Variants in HTATIP2 observed in about 807,000 individuals in gnomAD.
The protein encoded by HTATIP2 is protein HTATIP2.
A neutral mutation model predicts 24.7 loss-of-function variants in HTATIP2; 26 were observed. The observed-to-expected ratio is 1.05, with a 90% CI of 0.77 to 1.46. The LOEUF is 1.46. HTATIP2 is among the 40% of genes most tolerant of loss of function. The probability of loss-of-function intolerance (pLI) is 0.00; values close to 1 mark genes in which losing one functional copy is unlikely to be tolerated. For missense variants in HTATIP2, 284 were observed against 289.6 expected (o/e 0.98, Z 0.14); for synonymous variants, 99 against 113.2 (o/e 0.87, Z 0.79).
chr11:20,370,491 T>A (rs555779552), intron 2 of HTATIP2, among the ~76,000 whole-genome samples: 11 of 152,194 alleles, frequency 7.2e-5, no homozygotes, highest in Non-Finnish European at 1.6e-4. Flanking sequence ...GTCATTAATG[T>A]GATTAGTGTG....
At chr11:20,368,330 G>A (rs1411741263) in intron 2 of HTATIP2, among the ~76,000 whole-genome samples, 2 of 152,178 alleles carry the variant, frequency 1.3e-5, no homozygotes, top group Non-Finnish European at 2.9e-5. Flanking sequence ...GTTAGATTCA[G>A]ATGTATTTCT....
rs560342815 is a variant in HTATIP2 at position 20,375,746 on chromosome 11, A to C, written c.304-834A>C. The stretch of plus-strand genomic sequence containing the variant: ...TTTATGGTGGTCTCAAGAGACTGTT[A>C]CTCCTTGGAATTCCCTTTTCTGGGT... On this transcript the variant is annotated intron_variant, in intron 2 of 4. Transcript: ENST00000451739. Among the ~76,000 whole-genome samples the C allele has an allele frequency of 2.6e-4, 40 of 151,968 alleles. 1 individual carries two copies. Among genetic ancestry groups the C allele is most frequent in the African/African-American group, 9.7e-4 (40 of 41,406 alleles).
Position 20,383,253 on chromosome 11 carries a change from A to G in HTATIP2, c.*48A>G. On this transcript the variant is annotated 3_prime_UTR_variant, in exon 5 of 5. Coordinates refer to ENST00000451739, the MANE Select transcript of HTATIP2 (RefSeq NM_001098522.2). Reference sequence around the variant, plus strand: ...ATTGTCAACCTTAACACCCATCACCAAATCGGTAATTTCAGGGTCTAAAAA... The same window carrying G: ...ATTGTCAACCTTAACACCCATCACCGAATCGGTAATTTCAGGGTCTAAAAA... 1 of 1,414,546 alleles carries G rather than the reference A, an allele frequency of 7.1e-7. No homozygotes were observed. The highest frequency in any genetic ancestry group is 9.8e-7 in the Non-Finnish European group (1 of 1,018,502). 87.6% of individuals were successfully genotyped at this position (1,414,546 alleles called of 1,614,324 possible).
chr11:20,376,314 G>T, intron 2 of HTATIP2: 1 of 450,406 alleles, frequency 2.2e-6, no homozygotes, highest in Non-Finnish European at 3.9e-6. Context: ...GTTCTTTGCA[G>T]ATTTGTTTGG....
At chr11:20,377,829 T>C (rs1035804524) in intron 3 of HTATIP2, among the ~76,000 whole-genome samples, 3 of 152,214 alleles carry the variant, frequency 2.0e-5, no homozygotes, top group African/African-American at 4.8e-5. Context: ...ATACGTCCAG[T>C]CTTTCTTTTG....
chr11:20,371,307 A>G (rs1057233202), intron 2 of HTATIP2, among the ~76,000 whole-genome samples: 4 of 152,216 alleles, frequency 2.6e-5, no homozygotes, highest in Non-Finnish European at 5.9e-5. Flanking sequence ...CCAAGTAGCT[A>G]TGGAGCCTGG....
At chr11:20,368,184 A>G (rs974521449) in intron 2 of HTATIP2, among the ~76,000 whole-genome samples, 1 of 152,028 alleles carries the variant, frequency 6.6e-6, no homozygotes, top group African/African-American at 2.4e-5. Flanking sequence ...GGAAAACAAG[A>G]AAAAAGAAAA....
intron 3 of HTATIP2, among the ~76,000 whole-genome samples, chr11:20,380,671 C>CAAAAA (rs35392320): frequency 1.1e-3 from 87 of 81,688 alleles, no homozygotes; most frequent in African/African-American, 1.6e-3. Context: ...GACTCCATCT[C>CAAAAA]AAAAAAAAAA....
chr11:20,377,177 G>T (rs1848459909), intron 3 of HTATIP2, among the ~76,000 whole-genome samples: 2 of 145,126 alleles, frequency 1.4e-5, no homozygotes, highest in African/African-American at 5.1e-5. Context: ...GCAGTGGCAT[G>T]ATCTTGGCTC....
rs183592722 is a variant in HTATIP2, at chr11:20,381,868, C to A, written c.442-310C>A. Among the ~76,000 whole-genome samples, 15 of 152,286 alleles carry A rather than the reference C, an allele frequency of 9.8e-5. No homozygotes were observed. The East Asian group carries it at 2.9e-3, about 29-fold the overall frequency. Reference sequence around the variant, plus strand: ...AATTCTGGACTAAATAGAGGATATTCTTTTATGATTGTACTAACGTATGAC... The same window carrying A: ...AATTCTGGACTAAATAGAGGATATTATTTTATGATTGTACTAACGTATGAC... On this transcript the variant is annotated intron_variant, in intron 3 of 4. Transcript: ENST00000451739.
At chr11:20,381,583 G>A (rs908655126) in intron 3 of HTATIP2, among the ~76,000 whole-genome samples, 9 of 152,164 alleles carry the variant, frequency 5.9e-5, no homozygotes, top group Non-Finnish European at 1.3e-4. Flanking sequence ...AGAAGGAGGC[G>A]TGCATGACCG....
chr11:20,368,059 C>G (rs1211781987), intron 2 of HTATIP2, among the ~76,000 whole-genome samples: 2 of 151,634 alleles, frequency 1.3e-5, no homozygotes, highest in Non-Finnish European at 2.9e-5. Flanking sequence ...TATCCCAGAA[C>G]TTAAAGTAAA....
At chr11:20,375,884 A>G (rs562507700) in intron 2 of HTATIP2, 2 of 151,920 alleles carry the variant, frequency 1.3e-5, no homozygotes, top group East Asian at 3.9e-4. Context: ...TTCTGACTGG[A>G]TTTACCTTTT....
In HTATIP2 at chr11:20,382,230, T is replaced by G; in HGVS notation, c.494T>G (p.Phe165Cys). Residue 165 changes from phenylalanine to cysteine, a missense_variant, in exon 4 of 5, where the codon TTT becomes TGT. By Grantham distance (205) the Phe-to-Cys change is radical. Transcript: ENST00000451739. ...TTAAAATTTGATCGTTACTCTGTAT[T>G]TAGGCCTGGGTAAGTATAATATTTA... ...EELKFDRYSVFRPGVLLCDRQ... is the reference protein window; with the variant it reads ...EELKFDRYSVCRPGVLLCDRQ... 1 of 1,569,614 alleles carries G rather than the reference T, an allele frequency of 6.4e-7. No individual in the cohort carries two copies. The highest frequency in any genetic ancestry group is 8.8e-7 in the Non-Finnish European group (1 of 1,139,544).
rs2064664286 is a variant in HTATIP2, at chr11:20,364,032, G to T, written c.-206G>T. On this transcript the variant is annotated 5_prime_UTR_variant, in exon 1 of 5. Coordinates refer to ENST00000451739, the MANE Select transcript of HTATIP2 (RefSeq NM_001098522.2). The stretch of plus-strand genomic sequence containing the variant: ...CACCTGGGCGCACCCTCCAGCTCGG[G>T]CCCCTTCCGATGGGTCTGCTGGCTC... 1.3e-5 allele frequency: 17 copies of T among 1,312,088 alleles called. No individual in the cohort carries two copies. In the South Asian group the frequency reaches 3.3e-4, roughly 25 times the overall value. The allele number at this position is 1,312,088 out of a possible 1,614,324, so 81.3% of individuals were successfully genotyped here. A position where few individuals can be genotyped will look rare whatever the true frequency, so the allele number is the denominator to read the frequency against.
chr11:20,382,884 G>A, intron 4 of HTATIP2, 96 bp from the exon 5 acceptor site: 1 of 792,526 alleles, frequency 1.3e-6, no homozygotes, highest in Non-Finnish European at 2.0e-6. Context: ...GAATATTGAG[G>A]GGATACAGTT....
At chr11:20,381,535 G>A (rs2133280230) in intron 3 of HTATIP2, among the ~76,000 whole-genome samples, 1 of 152,200 alleles carries the variant, frequency 6.6e-6, no homozygotes, top group South Asian at 2.1e-4. Flanking sequence ...TCTGTGATGA[G>A]ACAGGTTAAG....
intron 1 of HTATIP2, 103 bp from the exon 2 acceptor site, chr11:20,367,071 G>C: frequency 7.4e-7 from 1 of 1,342,334 alleles, no homozygotes; most frequent in South Asian, 1.4e-5. Context: ...TAAGTGGACA[G>C]GCCTGTCAGT....
chr11:20,371,805 A>G (rs1565182668), intron 2 of HTATIP2, among the ~76,000 whole-genome samples: 1 of 152,120 alleles, frequency 6.6e-6, no homozygotes, highest in Non-Finnish European at 1.5e-5. Context: ...TCAAGAACAT[A>G]TAGATTGACC....
Sources: gnomAD v4.1 joint callset for allele counts (sites outside exome capture counted in the v4.1 genomes callset) on GRCh38, gnomAD v4.1.1 for gene constraint, MANE v1.5 for transcripts, NCBI Gene and HGNC (gene_info 2026-07-23, HGNC 2026-07-21) for gene names.